INPP4B: variants seen among roughly 807,000 people sequenced by gnomAD.
INPP4B encodes inositol polyphosphate-4-phosphatase type II B, also known as inositol polyphosphate 4-phosphatase type II.
A neutral mutation model predicts 122.5 loss-of-function variants in INPP4B; 55 were observed. The ratio of observed to expected loss-of-function variants is 0.45; its 90% CI spans 0.36 to 0.56. The LOEUF (loss-of-function observed/expected upper bound fraction) is 0.56. Among genes scored for constraint, INPP4B ranks in the 20% least tolerant of loss-of-function variants. INPP4B has a pLI of 0.00. For synonymous variants in INPP4B, 403 were observed against 388.7 expected (o/e 1.04, Z -0.43); for missense variants, 1,000 against 1,097.7 (o/e 0.91, Z 1.26).
intron 25 of INPP4B, among the ~76,000 whole-genome samples, chr4:142,039,953 G>T (rs1170099539): frequency 6.6e-6 from 1 of 151,648 alleles, no homozygotes; most frequent in Non-Finnish European, 1.5e-5. Context: ...GGGAATTTTA[G>T]CAGTACTGGA....
chr4:142,212,074 T>A lies in INPP4B; in HGVS notation c.837-3048A>T, dbSNP rs1027621943. ...ATCCTTAGGATTAGGATTTAGCCAA[T>A]GTAGAAAAGCACACAAACTGGGCCC... is the stretch of plus-strand genomic sequence containing the variant. On this transcript the variant is annotated intron_variant, in intron 12 of 25. Transcript: ENST00000262992. 1.3e-5 allele frequency among the ~76,000 whole-genome samples: 2 copies of A among 152,226 alleles called. 1 individual carries two copies. Among genetic ancestry groups the A allele is most frequent in the African/African-American group, 4.8e-5 (2 of 41,554 alleles).
At chr4:142,366,837 C>T (rs562707946) in intron 7 of INPP4B, among the ~76,000 whole-genome samples, 16 of 152,176 alleles carry the variant, frequency 1.1e-4, no homozygotes, top group African/African-American at 3.9e-4. Flanking sequence ...AAAAGCAAGT[C>T]CTATTTGCTG....
At chr4:142,104,688 G>A (rs1317718825) in intron 23 of INPP4B, among the ~76,000 whole-genome samples, 2 of 152,054 alleles carry the variant, frequency 1.3e-5, no homozygotes, top group African/African-American at 2.4e-5. Context: ...TGGTACCCAA[G>A]GAGGATTGGA....
At chr4:142,691,061 C>T (rs1760098209) in intron 2 of INPP4B, among the ~76,000 whole-genome samples, 1 of 152,162 alleles carries the variant, frequency 6.6e-6, no homozygotes, top group Non-Finnish European at 1.5e-5. Flanking sequence ...GCACTAAGAA[C>T]TCGGTGGGAA....
chr4:142,744,277 A>T (rs1209855412), intron 1 of INPP4B, among the ~76,000 whole-genome samples: 1 of 151,902 alleles, frequency 6.6e-6, no homozygotes. Flanking sequence ...CTGAAGGATA[A>T]AGGCACAATT....
At chr4:142,762,503 C>T (rs551435344) in intron 1 of INPP4B, among the ~76,000 whole-genome samples, 6 of 152,202 alleles carry the variant, frequency 3.9e-5, no homozygotes, top group African/African-American at 9.6e-5. Context: ...GGATAAAGCT[C>T]GCTTATGGCA....
chr4:142,844,695 A>T (rs1253186942), intron 1 of INPP4B, among the ~76,000 whole-genome samples: 1 of 152,218 alleles, frequency 6.6e-6, no homozygotes, highest in African/African-American at 2.4e-5. Flanking sequence ...GCTTTACTCA[A>T]CTTCTTACAC....
intron 9 of INPP4B, among the ~76,000 whole-genome samples, chr4:142,274,984 T>C (rs1226947210): frequency 6.6e-6 from 1 of 150,478 alleles, no homozygotes; most frequent in African/African-American, 2.4e-5. Context: ...CGGGAAAATT[T>C]CAGCAACACA....
chr4:142,192,354 A>AAAAAAAAATG, intron 15 of INPP4B, among the ~76,000 whole-genome samples: 1 of 73,182 alleles, frequency 1.4e-5, no homozygotes, highest in Non-Finnish European at 2.8e-5. Flanking sequence ...AAAAAAAAAA[A>AAAAAAAAATG]TGGGATTCTT....
chr4:142,435,483 G>A (rs13145550), intron 3 of INPP4B, among the ~76,000 whole-genome samples: 2 of 141,938 alleles, frequency 1.4e-5, no homozygotes, highest in Non-Finnish European at 3.1e-5. Flanking sequence ...TTTGGGGGAG[G>A]GGGGGTGGGG....
At chr4:142,336,087 T>A (rs2646095) in intron 7 of INPP4B, among the ~76,000 whole-genome samples, 20 of 152,052 alleles carry the variant, frequency 1.3e-4, no homozygotes, top group Admixed American at 4.6e-4. Flanking sequence ...ACTATCTGCT[T>A]TTGGGCTCCC....
rs538200209 is a variant in INPP4B at position 142,190,189 on chromosome 4, G to T, written c.1181+2898C>A. Among the ~76,000 whole-genome samples the T allele has an allele frequency of 4.7e-3, 594 of 126,904 alleles. 5 individuals are homozygous for T. The highest frequency in any genetic ancestry group is 0.016 in the African/African-American group (557 of 34,830). The allele number at this position is 126,904 out of a possible 152,430, so 83.3% of individuals were successfully genotyped here. On this transcript the variant is annotated intron_variant, in intron 15 of 25. Transcript: ENST00000262992. ...ACTTGGCTATCTGGGTTTTTTATTT[G>T]TTTGTTTGTTTATTTTTGTTTTTTT...
intron 1 of INPP4B, among the ~76,000 whole-genome samples, chr4:142,735,576 C>G (rs1423991115): frequency 1.3e-5 from 2 of 152,146 alleles, no homozygotes. Flanking sequence ...GCCCAAGCCA[C>G]AGCCATCGAG....
intron 1 of INPP4B, among the ~76,000 whole-genome samples, chr4:142,781,919 T>TGAA (rs1186237583): frequency 1.3e-5 from 2 of 152,096 alleles, no homozygotes; most frequent in Non-Finnish European, 2.9e-5. Context: ...GGTCACTGGT[T>TGAA]CAGCTGAAAT....
intron 11 of INPP4B, among the ~76,000 whole-genome samples, chr4:142,250,957 G>T (rs576938044): frequency 2.6e-5 from 4 of 152,070 alleles, no homozygotes; most frequent in Non-Finnish European, 5.9e-5. Context: ...TATGTCAGTA[G>T]TTTTTGTCAT....
intron 1 of INPP4B, among the ~76,000 whole-genome samples, chr4:142,770,693 A>C (rs563843685): frequency 6.6e-6 from 1 of 152,282 alleles, no homozygotes; most frequent in South Asian, 2.1e-4. Flanking sequence ...AAAAAGAATG[A>C]AAGAGGAAAG....
At chr4:142,220,896 G>A (rs1031617712) in intron 12 of INPP4B, among the ~76,000 whole-genome samples, 6 of 151,930 alleles carry the variant, frequency 3.9e-5, no homozygotes, top group African/African-American at 1.5e-4. Context: ...CCTCCTATAT[G>A]AACATCAGTC....
intron 1 of INPP4B, among the ~76,000 whole-genome samples, chr4:142,742,917 G>A (rs867961715): frequency 2.6e-5 from 4 of 151,958 alleles, no homozygotes; most frequent in South Asian, 4.1e-4. Flanking sequence ...AGAAGGAGAC[G>A]AGAGAGACGA....
chr4:142,420,465 A>G (rs1806636405), intron 5 of INPP4B, among the ~76,000 whole-genome samples: 1 of 152,140 alleles, frequency 6.6e-6, no homozygotes. Flanking sequence ...ACTGCAGAAC[A>G]TGCTAAATCT....
Sources: allele counts gnomAD v4.1 joint callset (sites outside exome capture counted in the v4.1 genomes callset), GRCh38; gene constraint gnomAD v4.1.1; transcripts MANE v1.5; gene names NCBI Gene and HGNC (gene_info 2026-07-23, HGNC 2026-07-21).